The following MSRA variants were observed in gnomAD, a reference collection of about 807,000 sequenced individuals.
The protein encoded by MSRA is mitochondrial peptide methionine sulfoxide reductase.
Under a neutral mutation model 31.3 loss-of-function variants are expected in MSRA, and 54 were observed. The observed-to-expected ratio is 1.73, with a 90% CI of 1.39 to 2.17. The LOEUF (loss-of-function observed/expected upper bound fraction) is 2.17. MSRA is among the 30% of genes most tolerant of loss of function. The pLI, the probability that MSRA is intolerant of heterozygous loss-of-function variation, is 0.00. For synonymous variants in MSRA, 169 were observed against 116.5 expected (o/e 1.45, Z -2.90); for missense variants, 507 against 300.9 (o/e 1.69, Z -5.07).
At chr8:10,362,345 C>A (rs1442220225) in intron 5 of MSRA, among the ~76,000 whole-genome samples, 1 of 151,920 alleles carries the variant, frequency 6.6e-6, no homozygotes, top group African/African-American at 2.4e-5. Context: ...CCTGTCCCTG[C>A]CCCCATGAGC....
At chr8:10,395,163 G>C (rs573807092) in intron 5 of MSRA, among the ~76,000 whole-genome samples, 2 of 152,278 alleles carry the variant, frequency 1.3e-5, no homozygotes, top group East Asian at 3.9e-4. Flanking sequence ...TGGTGGCCGG[G>C]GGGAAGACTT....
At chr8:10,401,701 A>G (rs1003142259) in intron 5 of MSRA, among the ~76,000 whole-genome samples, 13 of 152,142 alleles carry the variant, frequency 8.5e-5, no homozygotes, top group African/African-American at 2.9e-4. Flanking sequence ...AATGTGACTT[A>G]TAGATACGCA....
chr8:10,254,212 T>G (rs533123089), intron 3 of MSRA, among the ~76,000 whole-genome samples: 1 of 152,320 alleles, frequency 6.6e-6, no homozygotes, highest in East Asian at 1.9e-4. Context: ...GGAGGTAGCA[T>G]CACGTCTCTG....
intron 5 of MSRA, among the ~76,000 whole-genome samples, chr8:10,413,145 T>C (rs950064478): frequency 2.0e-4 from 30 of 152,180 alleles, no homozygotes; most frequent in Non-Finnish European, 2.8e-4. Flanking sequence ...ATCTCGCCTG[T>C]GGCTGCCATG....
At chr8:10,367,627 A>G in intron 5 of MSRA, among the ~76,000 whole-genome samples, 1 of 152,202 alleles carries the variant, frequency 6.6e-6, no homozygotes, top group South Asian at 2.1e-4. Context: ...CAACCAAGGC[A>G]CAGAGGTGTT....
intron 4 of MSRA, among the ~76,000 whole-genome samples, chr8:10,310,369 C>A (rs1480009372): frequency 6.6e-6 from 1 of 152,186 alleles, no homozygotes; most frequent in Non-Finnish European, 1.5e-5. Context: ...ATTAATTGTT[C>A]TTTCAGTCAC....
chr8:10,211,823 G>C (rs1045204731), intron 2 of MSRA, among the ~76,000 whole-genome samples: 2 of 152,138 alleles, frequency 1.3e-5, no homozygotes, highest in Admixed American at 1.3e-4. Context: ...CTCTGTCCAC[G>C]TGGAGGGCCG....
At chr8:10,196,883 T>A (rs1808040112) in intron 1 of MSRA, among the ~76,000 whole-genome samples, 1 of 152,188 alleles carries the variant, frequency 6.6e-6, no homozygotes, top group African/African-American at 2.4e-5. Flanking sequence ...GGACAGTACC[T>A]TTATAAACAA....
At chr8:10,286,497 C>T (rs563075573) in intron 3 of MSRA, among the ~76,000 whole-genome samples, 24 of 152,336 alleles carry the variant, frequency 1.6e-4, no homozygotes, top group African/African-American at 5.3e-4. Context: ...GCTTCCCCAG[C>T]CATGTGGAAC....
rs1008878366 is a variant in MSRA at position 10,342,991 on chromosome 8, G to A, written c.543+23002G>A. 3.4e-4 allele frequency among the ~76,000 whole-genome samples: 52 copies of A among 151,322 alleles called. 1 individual carries two copies. Among genetic ancestry groups the A allele is most frequent in the Non-Finnish European group, 6.0e-4 (41 of 67,924 alleles). On this transcript the variant is annotated intron_variant, in intron 5 of 5. Transcript: ENST00000317173. ...GGGAAAATTAAATGAGATAACGTGT[G>A]GAAAGGAACTGGCATCTTGCATAAG...
In MSRA at chr8:10,307,554, A is replaced by T. The variant is rs116358468; in HGVS notation, c.436+5916A>T. Among the ~76,000 whole-genome samples, 3 of 152,274 alleles carry T rather than the reference A, an allele frequency of 2.0e-5. No homozygotes were observed. In the East Asian group the frequency reaches 5.8e-4, roughly 29 times the overall value. On this transcript the variant is annotated intron_variant, in intron 4 of 5. Coordinates refer to ENST00000317173, the MANE Select transcript of MSRA (RefSeq NM_012331.5). ...CAAATATATTAAAATGCTACCATGG[A>T]TTTAATTATACTTTAAATTGCATGC...
At chr8:10,061,519 C>T (rs1802724417) in intron 1 of MSRA, among the ~76,000 whole-genome samples, 2 of 152,216 alleles carry the variant, frequency 1.3e-5, no homozygotes, top group East Asian at 3.9e-4. Context: ...TGTCTTATTG[C>T]ACGGAACTCG....
chr8:10,085,202 T>G (rs2128924658), intron 1 of MSRA, among the ~76,000 whole-genome samples: 1 of 152,284 alleles, frequency 6.6e-6, no homozygotes, highest in African/African-American at 2.4e-5. Context: ...GACAGCCCAC[T>G]GATGACTGCC....
At chr8:10,136,301 G>A (rs1012458672) in intron 1 of MSRA, among the ~76,000 whole-genome samples, 4 of 152,086 alleles carry the variant, frequency 2.6e-5, no homozygotes, top group Non-Finnish European at 4.4e-5. Context: ...TTCTGCTATC[G>A]GACTTCTGGG....
At chr8:10,318,344 C>A (rs377361253) in intron 4 of MSRA, among the ~76,000 whole-genome samples, 1 of 152,156 alleles carries the variant, frequency 6.6e-6, no homozygotes, top group Non-Finnish European at 1.5e-5. Flanking sequence ...AGACCTCGCA[C>A]AGGGAAGTAC....
In MSRA at chr8:10,214,204, G is replaced by A. The variant is rs77172039; in HGVS notation, c.211+6303G>A. Among the ~76,000 whole-genome samples the A allele has an allele frequency of 5.8e-3, 876 of 152,200 alleles. 7 individuals are homozygous for A. Among genetic ancestry groups the A allele is most frequent in the African/African-American group, 0.02 (840 of 41,512 alleles). ...TTGACAGCTAAGGTGCCGAGTGTTCGCGTGACCTTTTTTTGAACAGCTGTG... is the reference window on the plus strand; with the variant it reads ...TTGACAGCTAAGGTGCCGAGTGTTCACGTGACCTTTTTTTGAACAGCTGTG... On this transcript the variant is annotated intron_variant, in intron 2 of 5. Coordinates refer to ENST00000317173, the MANE Select transcript of MSRA (RefSeq NM_012331.5).
intron 3 of MSRA, among the ~76,000 whole-genome samples, chr8:10,269,898 ACCTCAG>A (rs1384468979): frequency 1.3e-5 from 2 of 151,932 alleles, no homozygotes; most frequent in African/African-American, 4.8e-5. Context: ...TGATCTGCCC[ACCTCAG>A]CCTCCCAAAG....
At chr8:10,306,648 A>G (rs4841312) in intron 4 of MSRA, among the ~76,000 whole-genome samples, 23,491 of 152,192 alleles carry the variant, frequency 0.15, 2,011 homozygotes, top group African/African-American at 0.22. Context: ...AGTAATCTAA[A>G]GAACTGGATC....
chr8:10,056,758 G>T (rs995043653), intron 1 of MSRA, among the ~76,000 whole-genome samples: 1 of 152,074 alleles, frequency 6.6e-6, no homozygotes, highest in African/African-American at 2.4e-5. Context: ...ATTTAGTATT[G>T]TTCTGAATGT....
Sources: allele counts gnomAD v4.1 joint callset (sites outside exome capture counted in the v4.1 genomes callset), GRCh38; gene constraint gnomAD v4.1.1; transcripts MANE v1.5; gene names NCBI Gene and HGNC (gene_info 2026-07-23, HGNC 2026-07-21).